PHLDB2: variants seen among roughly 807,000 people sequenced by gnomAD.
PHLDB2 encodes the protein pleckstrin homology like domain family B member 2, also known as pleckstrin homology-like domain family B member 2.
PHLDB2 carries 71 observed loss-of-function variants against 123.6 expected under a neutral mutation model. That is an observed-to-expected ratio of 0.57 (90% CI 0.47 to 0.70). The LOEUF (loss-of-function observed/expected upper bound fraction) is 0.70, where lower values mean the gene tolerates loss of function less well. Ranked by LOEUF, PHLDB2 falls within the 30% of genes least tolerant of loss-of-function variation. PHLDB2 has a pLI of 0.00. For synonymous variants in PHLDB2, 547 were observed against 541.6 expected (o/e 1.01, Z -0.14); for missense variants, 1,446 against 1,519.5 (o/e 0.95, Z 0.80).
In PHLDB2 at chr3:111,945,209, T is replaced by C. The variant is rs763510653; in HGVS notation, c.2398-59T>C. On this transcript the variant is annotated intron_variant, in intron 8 of 17. Coordinates refer to ENST00000431670, the MANE Select transcript of PHLDB2 (RefSeq NM_001134438.2). ...GTTAGTCTCTAATGCAAAGTCACCA[T>C]GCTTCTCAGTTGCATCGAAGGTTGA... 2.7e-6 allele frequency: 3 copies of C among 1,124,678 alleles called. No homozygotes were observed. In the African/African-American group the frequency reaches 4.7e-5, roughly 18 times the overall value. The allele number at this position is 1,124,678 out of a possible 1,614,324, so 69.7% of individuals were successfully genotyped here.
At chr3:111,859,715 G>A (rs1304644150) in intron 1 of PHLDB2, 139 bp downstream of exon 1, 8 of 985,346 alleles carry the variant, frequency 8.1e-6, no homozygotes, top group Admixed American at 1.2e-4. Flanking sequence ...GGGGCGGAGA[G>A]GAGGCAGTGG....
chr3:111,911,638 G>T (rs1341751346), intron 2 of PHLDB2: 1 of 1,536,098 alleles, frequency 6.5e-7, no homozygotes, highest in Non-Finnish European at 8.7e-7. Context: ...CAAGATGAGA[G>T]TGTGTAGCTA....
At chr3:111,830,474 T>C (rs1228783402) in intron 1 of PHLDB2, among the ~76,000 whole-genome samples, 2 of 149,090 alleles carry the variant, frequency 1.3e-5, no homozygotes, top group Admixed American at 1.3e-4. Flanking sequence ...GTATAAATCT[T>C]TTGTTCTGAA....
upstream of PHLDB2, among the ~76,000 whole-genome samples, chr3:111,857,926 C>A (rs1411217980): frequency 2.0e-5 from 3 of 152,148 alleles, no homozygotes; most frequent in Admixed American, 2.0e-4. Flanking sequence ...ACTAGAAATA[C>A]CATTTGACCC....
At chr3:111,768,626 C>A (rs1353394178) in intron 1 of PHLDB2, among the ~76,000 whole-genome samples, 1 of 152,128 alleles carries the variant, frequency 6.6e-6, no homozygotes, top group East Asian at 1.9e-4. Flanking sequence ...CGTCCCTCAC[C>A]CACACCCTCG....
At chr3:111,949,533 C>T (rs1398990439) in intron 10 of PHLDB2, among the ~76,000 whole-genome samples, 5 of 152,096 alleles carry the variant, frequency 3.3e-5, no homozygotes, top group Non-Finnish European at 5.9e-5. Flanking sequence ...TGATCCAAGT[C>T]GCTTACAGTG....
chr3:111,849,142 C>A (rs1366770340), intron 2 of PHLDB2, among the ~76,000 whole-genome samples: 1 of 151,980 alleles, frequency 6.6e-6, no homozygotes, highest in East Asian at 1.9e-4. Context: ...ATCCATATAC[C>A]CATGTTAAAG....
At chr3:111,941,201 A>T (rs962738546) in intron 8 of PHLDB2, among the ~76,000 whole-genome samples, 1 of 152,200 alleles carries the variant, frequency 6.6e-6, no homozygotes, top group Non-Finnish European at 1.5e-5. Context: ...TTCTGGTCCA[A>T]CACCTAAAGT....
At chr3:111,899,207 A>G (rs547861088) in intron 2 of PHLDB2, among the ~76,000 whole-genome samples, 2 of 152,340 alleles carry the variant, frequency 1.3e-5, no homozygotes, top group East Asian at 3.9e-4. Flanking sequence ...TTCCTTGTGA[A>G]TCTTTATCAG....
At chr3:111,969,495 A>G (rs900073565) in intron 15 of PHLDB2, among the ~76,000 whole-genome samples, 195 bp from the exon 16 acceptor site, 1 of 152,224 alleles carries the variant, frequency 6.6e-6, no homozygotes, top group African/African-American at 2.4e-5. Flanking sequence ...TCCCCTACAT[A>G]TTACAGCATC....
At chr3:111,766,744 C>T (rs1022251408) in intron 1 of PHLDB2, among the ~76,000 whole-genome samples, 1 of 151,990 alleles carries the variant, frequency 6.6e-6, no homozygotes, top group Non-Finnish European at 1.5e-5. Flanking sequence ...CAAGAGTTAG[C>T]AATCCAGGTT....
intron 12 of PHLDB2, among the ~76,000 whole-genome samples, chr3:111,956,492 C>T (rs994037983): frequency 1.3e-5 from 2 of 152,186 alleles, no homozygotes; most frequent in East Asian, 3.9e-4. Flanking sequence ...CTTTAGTGCT[C>T]TTGTTCTTTA....
upstream of PHLDB2, chr3:111,859,081 T>G: frequency 2.6e-6 from 2 of 763,244 alleles, no homozygotes; most frequent in East Asian, 1.3e-4. Flanking sequence ...CTCCAAGGAT[T>G]TTGCAAACCT....
At chr3:111,972,391 T>C (rs1269195265) in intron 16 of PHLDB2, among the ~76,000 whole-genome samples, 1 of 152,194 alleles carries the variant, frequency 6.6e-6, no homozygotes, top group Admixed American at 6.5e-5. Flanking sequence ...TACTCTCTGC[T>C]GAACTTTTCA....
intron 8 of PHLDB2, among the ~76,000 whole-genome samples, chr3:111,943,281 A>C (rs1333606778): frequency 6.6e-6 from 1 of 152,194 alleles, no homozygotes; most frequent in Non-Finnish European, 1.5e-5. Flanking sequence ...AAGGCACCAA[A>C]ACAATTCTTT....
chr3:111,803,004 C>G (rs1188808355), intron 1 of PHLDB2, among the ~76,000 whole-genome samples: 2 of 152,146 alleles, frequency 1.3e-5, no homozygotes, highest in Non-Finnish European at 2.9e-5. Flanking sequence ...ACAAGGATGT[C>G]ACAGATTTAA....
chr3:111,814,157 A>C (rs1559845446), intron 1 of PHLDB2, among the ~76,000 whole-genome samples: 1 of 152,228 alleles, frequency 6.6e-6, no homozygotes, highest in Non-Finnish European at 1.5e-5. Context: ...GATACAAAGT[A>C]CTGATCTTGG....
intron 1 of PHLDB2, among the ~76,000 whole-genome samples, chr3:111,775,034 A>G (rs1178137094): frequency 6.6e-6 from 1 of 152,226 alleles, no homozygotes; most frequent in African/African-American, 2.4e-5. Context: ...TAAAGAAAAT[A>G]TGAGAGTCTT....
chr3:111,881,546 G>A (rs1318717914), intron 1 of PHLDB2, among the ~76,000 whole-genome samples: 1 of 152,052 alleles, frequency 6.6e-6, no homozygotes. Context: ...GCAACAGGGG[G>A]TGTCCACAAA....
Sources: gnomAD v4.1 joint callset for allele counts (sites outside exome capture counted in the v4.1 genomes callset) on GRCh38, gnomAD v4.1.1 for gene constraint, MANE v1.5 for transcripts, NCBI Gene and HGNC (gene_info 2026-07-23, HGNC 2026-07-21) for gene names.